Variants in GRIK2 observed in about 807,000 individuals in gnomAD.
The protein encoded by GRIK2 is glutamate receptor ionotropic, kainate 2.
Under a neutral mutation model 100.3 loss-of-function variants are expected in GRIK2, and 32 were observed. The ratio of observed to expected loss-of-function variants is 0.32; its 90% CI spans 0.24 to 0.43. The LOEUF (loss-of-function observed/expected upper bound fraction) is 0.43. GRIK2 is among the 20% of genes least tolerant of loss of function. GRIK2 has a pLI of 1.00. For synonymous variants in GRIK2, 417 were observed against 389.4 expected (o/e 1.07, Z -0.83); for missense variants, 843 against 1,114.9 (o/e 0.76, Z 3.47).
At chr6:102,031,701 C>T (rs925337384) in intron 14 of GRIK2, among the ~76,000 whole-genome samples, 2 of 151,170 alleles carry the variant, frequency 1.3e-5, no homozygotes, top group African/African-American at 4.8e-5. Context: ...TCATTTATAT[C>T]TGAGAACGTG....
chr6:101,857,988 C>T (rs758390736), intron 10 of GRIK2, among the ~76,000 whole-genome samples: 1 of 152,118 alleles, frequency 6.6e-6, no homozygotes, highest in Non-Finnish European at 1.5e-5. Context: ...CATGCTGTGT[C>T]CTTGGCTTGA....
intron 2 of GRIK2, among the ~76,000 whole-genome samples, chr6:101,533,989 A>G (rs929946164): frequency 6.6e-6 from 1 of 151,814 alleles, no homozygotes; most frequent in East Asian, 1.9e-4. Flanking sequence ...TTCATGCCTC[A>G]TTGACATTAA....
chr6:101,639,787 A>G (rs78176376), intron 4 of GRIK2, among the ~76,000 whole-genome samples: 4,313 of 152,290 alleles, frequency 0.028, 205 homozygotes, highest in African/African-American at 0.097. Context: ...CTCAAATTCT[A>G]GACAGGCTAA....
chr6:101,728,430 A>G (rs1392011282), intron 7 of GRIK2, among the ~76,000 whole-genome samples: 4 of 152,112 alleles, frequency 2.6e-5, no homozygotes, highest in African/African-American at 4.8e-5. Context: ...ACATCACAGT[A>G]GAGTGCCACA....
intron 7 of GRIK2, among the ~76,000 whole-genome samples, chr6:101,707,805 C>T (rs998355157): frequency 6.6e-6 from 1 of 151,296 alleles, no homozygotes; most frequent in Non-Finnish European, 1.5e-5. Flanking sequence ...AGAAAGATTG[C>T]AAGATCTCTC....
At chr6:101,420,491 T>C (rs1776360832) in intron 2 of GRIK2, among the ~76,000 whole-genome samples, 1 of 152,210 alleles carries the variant, frequency 6.6e-6, no homozygotes, top group Admixed American at 6.5e-5. Context: ...AAATGTGGCC[T>C]CTGGACCAGC....
chr6:101,707,586 G>GTATATA (rs1482076939), intron 7 of GRIK2, among the ~76,000 whole-genome samples: 98 of 132,426 alleles, frequency 7.4e-4, no homozygotes, highest in African/African-American at 2.8e-3. Flanking sequence ...ATGTGTGTGT[G>GTATATA]TGTGTGTGTA....
intron 12 of GRIK2, among the ~76,000 whole-genome samples, chr6:101,918,869 A>G (rs2791792): frequency 0.94 from 142,002 of 151,552 alleles, 66,565 homozygotes; most frequent in Middle Eastern, 0.97. Flanking sequence ...ACATGAAATC[A>G]CATTAGTACA....
intron 4 of GRIK2, among the ~76,000 whole-genome samples, chr6:101,659,731 GC>G (rs1039495766): frequency 4.6e-5 from 7 of 152,084 alleles, no homozygotes; most frequent in Non-Finnish European, 1.0e-4. Context: ...TGCTTATGAA[GC>G]TTAGTTTGGC....
At chr6:101,774,762 C>G (rs1778636745) in intron 7 of GRIK2, among the ~76,000 whole-genome samples, 1 of 152,012 alleles carries the variant, frequency 6.6e-6, no homozygotes, top group South Asian at 2.1e-4. Flanking sequence ...ATCTAAACAT[C>G]TTGGACTTTT....
chr6:101,798,933 G>A (rs780960824), intron 7 of GRIK2, among the ~76,000 whole-genome samples: 2 of 152,146 alleles, frequency 1.3e-5, no homozygotes, highest in East Asian at 1.9e-4. Context: ...ATTCATATTT[G>A]TTTTACCTGA....
At chr6:101,789,687 G>A (rs923583041) in intron 7 of GRIK2, among the ~76,000 whole-genome samples, 4 of 152,042 alleles carry the variant, frequency 2.6e-5, no homozygotes, top group Non-Finnish European at 5.9e-5. Flanking sequence ...TTGGCGATGC[G>A]GGCTCTTTTT....
At chr6:101,643,218 A>T (rs1781362750) in intron 4 of GRIK2, among the ~76,000 whole-genome samples, 1 of 151,454 alleles carries the variant, frequency 6.6e-6, no homozygotes, top group South Asian at 2.1e-4. Flanking sequence ...GCAAATTTTT[A>T]AATTTCATAA....
intron 7 of GRIK2, among the ~76,000 whole-genome samples, chr6:101,751,906 A>G (rs1264947056): frequency 6.6e-6 from 1 of 152,198 alleles, no homozygotes; most frequent in African/African-American, 2.4e-5. Context: ...AGTGATGATC[A>G]CTATCTAGCT....
chr6:101,969,453 C>G (rs1792900317), intron 14 of GRIK2, among the ~76,000 whole-genome samples: 1 of 151,760 alleles, frequency 6.6e-6, no homozygotes, highest in Non-Finnish European at 1.5e-5. Flanking sequence ...CAAATTTTCA[C>G]TTGTTATTTT....
intron 14 of GRIK2, among the ~76,000 whole-genome samples, chr6:101,984,449 A>T (rs904783346): frequency 1.3e-5 from 2 of 151,576 alleles, no homozygotes; most frequent in Non-Finnish European, 3.0e-5. Context: ...CGTTGACTGG[A>T]ACTTAATTAA....
intron 6 of GRIK2, 116 bp downstream of exon 6, chr6:101,682,722 A>G (rs1771368266): frequency 1.9e-6 from 1 of 527,748 alleles, no homozygotes; most frequent in Non-Finnish European, 3.4e-6. Flanking sequence ...TTATATTTTA[A>G]TTTGATAAGA....
intron 4 of GRIK2, among the ~76,000 whole-genome samples, chr6:101,671,824 A>G (rs1443884748): frequency 6.6e-6 from 1 of 152,144 alleles, no homozygotes; most frequent in Non-Finnish European, 1.5e-5. Flanking sequence ...AGATCGCGCA[A>G]TTGCACTCCA....
intron 2 of GRIK2, among the ~76,000 whole-genome samples, chr6:101,560,045 G>A (rs1202429991): frequency 6.6e-6 from 1 of 152,092 alleles, no homozygotes. Context: ...CAGAGGAATA[G>A]GTCAGCTGAT....
Sources: gnomAD v4.1 joint callset for allele counts (sites outside exome capture counted in the v4.1 genomes callset) on GRCh38, gnomAD v4.1.1 for gene constraint, MANE v1.5 for transcripts, NCBI Gene and HGNC (gene_info 2026-07-23, HGNC 2026-07-21) for gene names.